Variants in BANK1 observed in about 807,000 individuals in gnomAD.
The protein encoded by BANK1 is B cell scaffold protein with ankyrin repeats 1.
In BANK1, 95 loss-of-function variants were observed where a neutral mutation model predicts 94.5. That is an observed-to-expected ratio of 1.00 (90% CI 0.85 to 1.19). The LOEUF is 1.19. BANK1 is among the 50% of genes most tolerant of loss of function. The pLI, the probability that BANK1 is intolerant of heterozygous loss-of-function variation, is 0.00. For synonymous variants in BANK1, 334 were observed against 308.4 expected (o/e 1.08, Z -0.87); for missense variants, 987 against 932.2 (o/e 1.06, Z -0.77).
intron 6 of BANK1, among the ~76,000 whole-genome samples, chr4:101,908,225 G>A (rs1204168781): frequency 9.9e-5 from 15 of 152,068 alleles, no homozygotes; most frequent in East Asian, 1.9e-4. Context: ...CCAATGGAAC[G>A]GAACAGAGCC....
intron 1 of BANK1, among the ~76,000 whole-genome samples, chr4:101,824,062 A>G (rs1726274534): frequency 6.6e-6 from 1 of 152,226 alleles, no homozygotes; most frequent in Non-Finnish European, 1.5e-5. Flanking sequence ...ATTCAATACC[A>G]TTGGGACTCT....
At chr4:101,935,790 G>T (rs1723509719) in intron 7 of BANK1, among the ~76,000 whole-genome samples, 1 of 151,368 alleles carries the variant, frequency 6.6e-6, no homozygotes, top group Admixed American at 6.6e-5. Context: ...TTTTCACAAA[G>T]GTGCTAAGAA....
chr4:101,872,674 A>G (rs1225287101), intron 5 of BANK1, among the ~76,000 whole-genome samples: 2 of 152,042 alleles, frequency 1.3e-5, no homozygotes, highest in Non-Finnish European at 2.9e-5. Context: ...CTTTGCTCCC[A>G]CATAGATTAT....
chr4:101,801,111 A>G (rs1352089838), intron 1 of BANK1, among the ~76,000 whole-genome samples: 1 of 152,104 alleles, frequency 6.6e-6, no homozygotes, highest in Non-Finnish European at 1.5e-5. Flanking sequence ...GCTACCTAAC[A>G]CTGTACCCTC....
chr4:101,978,748 A>T (rs144099269), intron 7 of BANK1, among the ~76,000 whole-genome samples: 2,135 of 152,154 alleles, frequency 0.014, 149 homozygotes, highest in Admixed American at 0.12. Flanking sequence ...TTTCTTATTT[A>T]ATGCCACAGA....
intron 13 of BANK1, among the ~76,000 whole-genome samples, chr4:102,070,240 T>C (rs138808202): frequency 1.4e-3 from 216 of 152,332 alleles, no homozygotes; most frequent in African/African-American, 4.9e-3. Flanking sequence ...TAAGACTTTA[T>C]ATGCTGGCCA....
chr4:101,813,149 A>G (rs766875745), intron 1 of BANK1, among the ~76,000 whole-genome samples: 27 of 152,140 alleles, frequency 1.8e-4, no homozygotes, highest in Non-Finnish European at 3.1e-4. Flanking sequence ...TTGCAATCTA[A>G]GTTTTAGATA....
At chr4:102,029,241 G>A (rs1265104367) in intron 9 of BANK1, among the ~76,000 whole-genome samples, 1 of 152,058 alleles carries the variant, frequency 6.6e-6, no homozygotes, top group Non-Finnish European at 1.5e-5. Context: ...AACAAAAGCT[G>A]CATTTCTGAA....
chr4:101,999,568 C>G (rs898203841), intron 7 of BANK1, among the ~76,000 whole-genome samples: 1 of 152,142 alleles, frequency 6.6e-6, no homozygotes, highest in Non-Finnish European at 1.5e-5. Flanking sequence ...AAAACATTTT[C>G]TAAGAAACTG....
intron 5 of BANK1, among the ~76,000 whole-genome samples, chr4:101,876,469 G>C (rs1399484904): frequency 6.6e-6 from 1 of 152,274 alleles, no homozygotes; most frequent in East Asian, 1.9e-4. Flanking sequence ...ACCTCTATGA[G>C]TCTGGAAGAA....
intron 6 of BANK1, among the ~76,000 whole-genome samples, chr4:101,913,944 C>A (rs768247489): frequency 1.3e-5 from 2 of 152,126 alleles, no homozygotes; most frequent in African/African-American, 2.4e-5. Context: ...TATTGACATT[C>A]TAGAACTCAA....
intron 2 of BANK1, among the ~76,000 whole-genome samples, chr4:101,844,142 ACTAT>A (rs1386407968): frequency 6.6e-6 from 1 of 152,166 alleles, no homozygotes; most frequent in Non-Finnish European, 1.5e-5. Flanking sequence ...TCCAGATATC[ACTAT>A]CTAATGAAAG....
intron 7 of BANK1, among the ~76,000 whole-genome samples, chr4:101,930,637 C>G (rs189921629): frequency 1.7e-4 from 26 of 151,574 alleles, no homozygotes; most frequent in Admixed American, 1.7e-3. Context: ...GTACTAGTAT[C>G]TGTTTTTGCT....
intron 7 of BANK1, among the ~76,000 whole-genome samples, chr4:101,923,926 T>C (rs1723075990): frequency 6.6e-6 from 1 of 151,790 alleles, no homozygotes; most frequent in Admixed American, 6.6e-5. Context: ...TACTAAGAAA[T>C]GTTTGTAGAG....
intron 7 of BANK1, among the ~76,000 whole-genome samples, chr4:101,924,387 A>C (rs1034832056): frequency 1.3e-5 from 2 of 151,848 alleles, no homozygotes; most frequent in Admixed American, 6.6e-5. Flanking sequence ...TTTGCTATGT[A>C]ATAAATGATT....
chr4:101,968,495 C>T (rs1450974164), intron 7 of BANK1, among the ~76,000 whole-genome samples: 2 of 150,030 alleles, frequency 1.3e-5, no homozygotes, highest in Non-Finnish European at 3.0e-5. Flanking sequence ...GTACAGAAAA[C>T]TTTTTTTTTT....
chr4:101,940,675 T>A (rs1415269607), intron 7 of BANK1, among the ~76,000 whole-genome samples: 1 of 151,734 alleles, frequency 6.6e-6, no homozygotes, highest in African/African-American at 2.4e-5. Context: ...GAGGGACTTG[T>A]CTAATATTTT....
At chr4:101,846,660 G>T (rs575339729) in intron 2 of BANK1, among the ~76,000 whole-genome samples, 1 of 152,302 alleles carries the variant, frequency 6.6e-6, no homozygotes, top group Non-Finnish European at 1.5e-5. Flanking sequence ...GAGATAGAGA[G>T]GGCAGGGGAA....
rs186010203 is a variant in BANK1 at position 102,029,560 on chromosome 4, T to C, written c.1595-400T>C. ...TATATAAAGGTATATTTAATACATA[T>C]AATTATATTTTATACATTAAATATT... On this transcript the variant is annotated intron_variant, in intron 9 of 16. Transcript: ENST00000322953. Among the ~76,000 whole-genome samples the C allele has an allele frequency of 6.6e-3, 972 of 148,088 alleles. 7 individuals are homozygous for C. Among genetic ancestry groups the C allele is most frequent in the Middle Eastern group, 0.011 (3 of 278 alleles).
Sources: gnomAD v4.1 joint callset for allele counts (sites outside exome capture counted in the v4.1 genomes callset) on GRCh38, gnomAD v4.1.1 for gene constraint, MANE v1.5 for transcripts, NCBI Gene and HGNC (gene_info 2026-07-23, HGNC 2026-07-21) for gene names.